Variants in GNG2 observed in about 807,000 individuals in gnomAD.
GNG2 encodes guanine nucleotide-binding protein G(I)/G(S)/G(O) subunit gamma-2.
A neutral mutation model predicts 5.5 loss-of-function variants in GNG2; 5 were observed. The observed-to-expected ratio is 0.91, with a 90% CI of 0.48 to 1.92. The LOEUF (loss-of-function observed/expected upper bound fraction) is 1.92, where lower values mean the gene tolerates loss of function less well. Ranked by LOEUF, GNG2 falls within the 30% of genes most tolerant of loss-of-function variation. The pLI, the probability that GNG2 is intolerant of heterozygous loss-of-function variation, is 0.01. For synonymous variants in GNG2, 28 were observed against 32.0 expected, an observed-to-expected ratio of 0.88 and a Z score of 0.42; for missense variants, 55 against 88.4, an observed-to-expected ratio of 0.62 and a Z score of 1.52.
intron 2 of GNG2, among the ~76,000 whole-genome samples, chr14:51,909,521 G>A (rs990435525): frequency 6.6e-6 from 1 of 152,178 alleles, no homozygotes; most frequent in African/African-American, 2.4e-5. Context: ...AAGGCATGGT[G>A]TTGTACTTGG....
At chr14:51,877,046 A>T (rs180978133) in intron 1 of GNG2, among the ~76,000 whole-genome samples, 20 of 152,264 alleles carry the variant, frequency 1.3e-4, no homozygotes, top group African/African-American at 4.6e-4. Flanking sequence ...AGAGGTCATT[A>T]GTGGCTAAGG....
At chr14:51,877,121 C>A (rs1352071608) in intron 1 of GNG2, among the ~76,000 whole-genome samples, 1 of 152,146 alleles carries the variant, frequency 6.6e-6, no homozygotes, top group African/African-American at 2.4e-5. Context: ...ACTCTTATAA[C>A]CACCAACGTG....
chr14:51,861,881 G>T (rs567384505), intron 1 of GNG2, among the ~76,000 whole-genome samples: 2 of 152,010 alleles, frequency 1.3e-5, no homozygotes, highest in African/African-American at 4.8e-5. Context: ...TTGATAAAAG[G>T]GTTTTTCTTC....
intron 2 of GNG2, among the ~76,000 whole-genome samples, chr14:51,906,041 A>C (rs1885894179): frequency 6.6e-6 from 1 of 152,226 alleles, no homozygotes; most frequent in Non-Finnish European, 1.5e-5. Context: ...CTTCGGTACA[A>C]CAGAGAACTG....
upstream of GNG2, among the ~76,000 whole-genome samples, chr14:51,859,723 G>A (rs190245239): frequency 3.3e-5 from 5 of 152,268 alleles, no homozygotes; most frequent in East Asian, 9.6e-4. Flanking sequence ...ACAGCTTGCA[G>A]GCTCTACCCT....
intron 3 of GNG2, among the ~76,000 whole-genome samples, chr14:51,957,240 T>C (rs1202515395): frequency 2.0e-5 from 3 of 152,204 alleles, no homozygotes; most frequent in African/African-American, 7.2e-5. Flanking sequence ...TTTTTGATTC[T>C]CTACATCATT....
intron 2 of GNG2, among the ~76,000 whole-genome samples, chr14:51,949,007 G>C (rs1265075382): frequency 1.3e-5 from 2 of 151,940 alleles, no homozygotes; most frequent in Admixed American, 1.3e-4. Context: ...TGTAGTCCCA[G>C]CTTCTCAGGA....
At chr14:51,896,580 T>C (rs1885206883) in intron 2 of GNG2, among the ~76,000 whole-genome samples, 1 of 152,234 alleles carries the variant, frequency 6.6e-6, no homozygotes, top group Admixed American at 6.5e-5. Flanking sequence ...ATTATTGCTG[T>C]AACTAGAAAT....
chr14:51,877,569 T>G (rs924328306), intron 1 of GNG2, 48 bp from the exon 2 acceptor site: 1 of 454,370 alleles, frequency 2.2e-6, no homozygotes, highest in Admixed American at 2.4e-5. Flanking sequence ...GTGTATCATG[T>G]TATTTTTCCT....
chr14:51,899,964 A>G (rs1226569692), intron 2 of GNG2, among the ~76,000 whole-genome samples: 1 of 152,218 alleles, frequency 6.6e-6, no homozygotes, highest in Admixed American at 6.5e-5. Context: ...TAATGCTGCT[A>G]TGAACACCAG....
intron 2 of GNG2, among the ~76,000 whole-genome samples, chr14:51,935,872 A>T (rs372443041): frequency 5.9e-5 from 9 of 152,142 alleles, no homozygotes; most frequent in Non-Finnish European, 1.3e-4. Flanking sequence ...TTTCTGAGGC[A>T]ATTCATATAA....
At chr14:51,901,164 A>G (rs984064748) in intron 2 of GNG2, among the ~76,000 whole-genome samples, 12 of 152,034 alleles carry the variant, frequency 7.9e-5, no homozygotes, top group Non-Finnish European at 1.2e-4. Flanking sequence ...TTTTCATACC[A>G]GTTGGTAAAG....
chr14:51,892,309 A>G (rs938014290), intron 2 of GNG2, among the ~76,000 whole-genome samples: 4 of 150,898 alleles, frequency 2.7e-5, no homozygotes, highest in African/African-American at 9.8e-5. Context: ...TCTTTTATTT[A>G]TTTTATTTTA....
chr14:51,902,202 T>C (rs1258747578), intron 2 of GNG2, among the ~76,000 whole-genome samples: 1 of 152,158 alleles, frequency 6.6e-6, no homozygotes, highest in Non-Finnish European at 1.5e-5. Context: ...TCTGGCTATA[T>C]AAAAATTATA....
At chr14:51,870,875 G>A (rs1883250611) in intron 1 of GNG2, among the ~76,000 whole-genome samples, 1 of 152,184 alleles carries the variant, frequency 6.6e-6, no homozygotes, top group Non-Finnish European at 1.5e-5. Context: ...TTGACTACTT[G>A]TCTCTAAGGT....
intron 2 of GNG2, among the ~76,000 whole-genome samples, chr14:51,900,157 A>G (rs1391972616): frequency 6.6e-6 from 1 of 152,138 alleles, no homozygotes; most frequent in Non-Finnish European, 1.5e-5. Flanking sequence ...ATTTCTCCAT[A>G]TCCTCACCAG....
chr14:51,918,559 C>T (rs1886798089), intron 2 of GNG2: 2 of 152,160 alleles, frequency 1.3e-5, no homozygotes, highest in Admixed American at 1.3e-4. Flanking sequence ...CTTGTGTTTG[C>T]AGGCCTTCTT....
At chr14:51,950,290 G>A (rs1888895352) in intron 2 of GNG2, among the ~76,000 whole-genome samples, 1 of 152,190 alleles carries the variant, frequency 6.6e-6, no homozygotes, top group African/African-American at 2.4e-5. Flanking sequence ...GCTGGATTAA[G>A]TGACACTGAA....
At chr14:51,910,626 C>T (rs192155232) in intron 2 of GNG2, among the ~76,000 whole-genome samples, 11 of 152,254 alleles carry the variant, frequency 7.2e-5, no homozygotes, top group Non-Finnish European at 1.5e-4. Flanking sequence ...CTGCTGTGCC[C>T]CATCTTTGCA....
Sources: gnomAD v4.1 joint callset for allele counts (sites outside exome capture counted in the v4.1 genomes callset) on GRCh38, gnomAD v4.1.1 for gene constraint, MANE v1.5 for transcripts, NCBI Gene and HGNC (gene_info 2026-07-23, HGNC 2026-07-21) for gene names.